The following HTR2A variants were observed in gnomAD, a reference collection of about 807,000 sequenced individuals.
HTR2A encodes 5-hydroxytryptamine receptor 2A.
A neutral mutation model predicts 31.0 loss-of-function variants in HTR2A; 14 were observed. The ratio of observed to expected loss-of-function variants is 0.45; its 90% CI spans 0.30 to 0.71. The LOEUF (loss-of-function observed/expected upper bound fraction) is 0.71. HTR2A is among the 30% of genes least tolerant of loss of function. The probability of loss-of-function intolerance (pLI) is 0.09; values close to 1 mark genes in which losing one functional copy is unlikely to be tolerated. For synonymous variants in HTR2A, 209 were observed against 225.2 expected (o/e 0.93, Z 0.64); for missense variants, 442 against 573.3 (o/e 0.77, Z 2.34).
Position 46,834,963 on chromosome 13 carries a change from C to CT in HTR2A, c.1289dup (p.Asn431GlufsTer11). The CT allele has an allele frequency of 6.2e-7, 1 of 1,614,086 alleles. No homozygotes were observed. Among genetic ancestry groups the CT allele is most frequent in the Non-Finnish European group, 8.5e-7 (1 of 1,179,948 alleles). ...TTGTCTTGGCATCTTGCTTTGAATT[C>CT]TTTTTTTGTCCCATTTGAAGTTGGC... On this transcript the variant is annotated frameshift_variant, in exon 4 of 4. Transcript: ENST00000542664. LOFTEE classifies it low-confidence loss of function (END_TRUNC).
chr13:46,869,829 G>T (rs1419988426), intron 3 of HTR2A, among the ~76,000 whole-genome samples: 5 of 152,214 alleles, frequency 3.3e-5, no homozygotes, highest in Non-Finnish European at 5.9e-5. Flanking sequence ...TTGTATAATT[G>T]CACTTGTATA....
rs193183759 is a variant in HTR2A at position 46,883,307 on chromosome 13, G to C, written c.613+9083C>G. Among the ~76,000 whole-genome samples, 5 of 151,598 alleles carry C rather than the reference G, an allele frequency of 3.3e-5. No individual in the cohort carries two copies. The East Asian group carries it at 5.8e-4, about 18-fold the overall frequency. ...AAGGTGTCACAGCTTGAGGGGAATG[G>C]CCCCAAATAAATGTAACCCAGCTTG... On this transcript the variant is annotated intron_variant, in intron 3 of 3. Coordinates refer to ENST00000542664, the MANE Select transcript of HTR2A (RefSeq NM_000621.5).
intron 3 of HTR2A, among the ~76,000 whole-genome samples, chr13:46,871,219 G>A (rs1304330594): frequency 6.6e-6 from 1 of 152,196 alleles, no homozygotes; most frequent in Non-Finnish European, 1.5e-5. Context: ...CAACTTATCA[G>A]TGCAACCTGA....
intron 3 of HTR2A, among the ~76,000 whole-genome samples, chr13:46,879,177 T>C (rs78482356): frequency 0.019 from 2,843 of 152,256 alleles, 85 homozygotes; most frequent in African/African-American, 0.065. Flanking sequence ...ATGCTCTGTA[T>C]TGGGGAGGAA....
chr13:46,835,418 C>T lies in HTR2A; in HGVS notation c.835G>A (p.Ala279Thr). The change falls in exon 4 of 4, where the codon GCT becomes ACT. Residue 279 changes from alanine to threonine, a missense_variant. By Grantham distance (58) the Ala-to-Thr change is moderately conservative. Coordinates refer to ENST00000542664, the MANE Select transcript of HTR2A (RefSeq NM_000621.5). ...VSDLGTRAKL[A>T]SFSFLPQSSL... ...CTCTGAGGGAGGAAGCTGAAAGAAG[C>T]TAATTTGGCCCGTGTGCCAAGATCA... 1.2e-6 allele frequency: 2 copies of T among 1,614,088 alleles called. No individual in the cohort carries two copies. The highest frequency in any genetic ancestry group is 1.7e-6 in the Non-Finnish European group (2 of 1,180,004).
intron 3 of HTR2A, among the ~76,000 whole-genome samples, chr13:46,864,509 G>T (rs866893984): frequency 6.6e-6 from 1 of 152,098 alleles, no homozygotes; most frequent in African/African-American, 2.4e-5. Flanking sequence ...TCATTTTCTA[G>T]GACCAAGGAG....
At chr13:46,873,551 C>T (rs1044081112) in intron 3 of HTR2A, among the ~76,000 whole-genome samples, 10 of 151,586 alleles carry the variant, frequency 6.6e-5, no homozygotes, top group African/African-American at 2.4e-4. Flanking sequence ...CACCCATTAA[C>T]TCGTCATTTA....
At chr13:46,842,548 A>G (rs1483285844) in intron 3 of HTR2A, among the ~76,000 whole-genome samples, 1 of 152,156 alleles carries the variant, frequency 6.6e-6, no homozygotes, top group Non-Finnish European at 1.5e-5. Flanking sequence ...CCTCGCTTGT[A>G]TGCAGCATCC....
chr13:46,878,212 A>C (rs983884471), intron 3 of HTR2A, among the ~76,000 whole-genome samples: 6 of 152,176 alleles, frequency 3.9e-5, no homozygotes, highest in African/African-American at 1.4e-4. Flanking sequence ...AGAGATGATG[A>C]GGGCTGACTG....
intron 3 of HTR2A, among the ~76,000 whole-genome samples, chr13:46,848,783 T>A (rs1316188323): frequency 6.6e-6 from 1 of 152,068 alleles, no homozygotes; most frequent in Non-Finnish European, 1.5e-5. Context: ...ATCAGAAGAG[T>A]TTAGTTAGCT....
intron 3 of HTR2A, among the ~76,000 whole-genome samples, chr13:46,876,404 ATTTTTT>A (rs1156826300): frequency 0.051 from 3,586 of 70,968 alleles, 52 homozygotes; most frequent in Middle Eastern, 0.094. Context: ...ATATATATAT[ATTTTTT>A]TTTTTTTTTT....
upstream of HTR2A, among the ~76,000 whole-genome samples, chr13:46,897,752 C>T (rs1951114860): frequency 6.6e-6 from 1 of 152,168 alleles, no homozygotes; most frequent in African/African-American, 2.4e-5. Context: ...TCACATTCTC[C>T]CTGGACAAAT....
At chr13:46,835,735 A>G (rs557006813) in intron 3 of HTR2A, 96 bp from the exon 4 acceptor site, 2 of 887,744 alleles carry the variant, frequency 2.3e-6, no homozygotes, top group Non-Finnish European at 3.4e-6. Context: ...AAAAGATTTT[A>G]TATCATCGTT....
intron 3 of HTR2A, among the ~76,000 whole-genome samples, chr13:46,843,270 A>G (rs1375638414): frequency 2.0e-5 from 3 of 152,216 alleles, no homozygotes; most frequent in Admixed American, 6.5e-5. Flanking sequence ...TGTCTAATCT[A>G]TAAAATAACT....
intron 3 of HTR2A, among the ~76,000 whole-genome samples, chr13:46,867,035 A>G (rs1009757357): frequency 2.6e-5 from 4 of 152,200 alleles, no homozygotes; most frequent in East Asian, 1.9e-4. Flanking sequence ...TCAAAAAGTG[A>G]TAAGTGAGGG....
rs758202240 is a variant in HTR2A at position 46,835,281 on chromosome 13, C to A, written c.972G>T (p.Val324=). The stretch of plus-strand genomic sequence containing the variant: ...CAAACAGGAAGAAGACGATGCCCAG[C>A]ACCTTGCATGCCTTTTGCTCATTGC... ...SISNEQKACK[V]LGIVFFLFVV... is the part of the protein sequence containing the mutation. Residue 324 remains valine, a synonymous_variant, in exon 4 of 4, where the codon GTG becomes GTT. Transcript: ENST00000542664. 4.0e-5 allele frequency: 65 copies of A among 1,614,004 alleles called. No individual in the cohort carries two copies. The highest frequency in any genetic ancestry group is 1.6e-4 in the Middle Eastern group (1 of 6,084).
upstream of HTR2A, among the ~76,000 whole-genome samples, chr13:46,897,336 G>C (rs1361530433): frequency 2.0e-5 from 3 of 152,168 alleles, no homozygotes; most frequent in African/African-American, 7.2e-5. Flanking sequence ...GGAGTGCTGT[G>C]AGTGTCCGGC....
intron 3 of HTR2A, among the ~76,000 whole-genome samples, chr13:46,876,254 C>T (rs1318608220): frequency 1.3e-5 from 2 of 151,976 alleles, no homozygotes; most frequent in African/African-American, 2.4e-5. Flanking sequence ...CCTCTTGACA[C>T]AACCATCTCT....
chr13:46,865,935 C>G (rs2770295), intron 3 of HTR2A, among the ~76,000 whole-genome samples: 55,772 of 151,940 alleles, frequency 0.37, 11,042 homozygotes, highest in Non-Finnish European at 0.45. Context: ...GTGATGGGAA[C>G]ATTTGGGTGC....
Sources: gnomAD v4.1 joint callset for allele counts (sites outside exome capture counted in the v4.1 genomes callset) on GRCh38, gnomAD v4.1.1 for gene constraint, MANE v1.5 for transcripts, NCBI Gene and HGNC (gene_info 2026-07-23, HGNC 2026-07-21) for gene names.